Variants in PTPRN2 observed in about 807,000 individuals in gnomAD.
PTPRN2 encodes the protein protein tyrosine phosphatase receptor type N2, also known as receptor-type tyrosine-protein phosphatase N2.
Under a neutral mutation model 118.8 loss-of-function variants are expected in PTPRN2, and 74 were observed. The ratio of observed to expected loss-of-function variants is 0.62; its 90% CI spans 0.52 to 0.76. The LOEUF is 0.76. PTPRN2 is among the 30% of genes least tolerant of loss of function. PTPRN2 has a pLI of 0.00. For missense variants in PTPRN2, 1,481 were observed against 1,394.4 expected (o/e 1.06, Z -0.99); for synonymous variants, 641 against 608.0 (o/e 1.05, Z -0.80).
At chr7:158,584,954 G>T (rs192632712) in intron 1 of PTPRN2, among the ~76,000 whole-genome samples, 11 of 152,334 alleles carry the variant, frequency 7.2e-5, no homozygotes, top group Admixed American at 6.5e-4. Flanking sequence ...CAAAAACTTG[G>T]ATCTCCTTGA....
chr7:157,904,882 AT>A (rs546386790), intron 11 of PTPRN2, among the ~76,000 whole-genome samples: 9 of 151,768 alleles, frequency 5.9e-5, no homozygotes, highest in African/African-American at 1.7e-4. Context: ...GTTGCTTCAG[AT>A]TTTTTTTTAA....
At chr7:157,594,073 C>A (rs1375690888) in intron 17 of PTPRN2, among the ~76,000 whole-genome samples, 1 of 152,204 alleles carries the variant, frequency 6.6e-6, no homozygotes. Context: ...TGTGCCTTGC[C>A]CATAAAATGG....
At chr7:157,862,066 G>A (rs962148031) in intron 12 of PTPRN2, among the ~76,000 whole-genome samples, 1 of 143,008 alleles carries the variant, frequency 7.0e-6, no homozygotes, top group Admixed American at 7.0e-5. Context: ...CTGCTGCTTC[G>A]AGGACTCTGT....
At chr7:158,112,043 G>A (rs1045151645) in intron 9 of PTPRN2, among the ~76,000 whole-genome samples, 1 of 151,988 alleles carries the variant, frequency 6.6e-6, no homozygotes, top group African/African-American at 2.4e-5. Context: ...GTAGCAGCAG[G>A]GGCGAGGCTG....
chr7:157,723,015 G>C (rs1289459995), intron 12 of PTPRN2, among the ~76,000 whole-genome samples: 1 of 152,166 alleles, frequency 6.6e-6, no homozygotes, highest in South Asian at 2.1e-4. Context: ...ACCATTTCCC[G>C]GAAACCCAGA....
Position 158,166,942 on chromosome 7 carries a change from C to T in PTPRN2, c.899G>A (p.Ser300Asn). ...CGGGGCTGGCTCACCATCGCCTGTG[C>T]TGGAGGGGTCTTCGGAATCTCCCAG... Reference protein sequence around the residue: ...SPLGDSEDPSSTGDGARIHTL... With the variant: ...SPLGDSEDPSNTGDGARIHTL... Residue 300 changes from serine (S) to asparagine (N), a missense_variant, in exon 6 of 23, where the codon AGC (serine) becomes AAC (asparagine). Transcript: ENST00000389418. The T allele has an allele frequency of 6.9e-7, 1 of 1,443,362 alleles. No homozygotes were observed. The highest frequency in any genetic ancestry group is 1.5e-5 in the South Asian group (1 of 66,240). The allele number at this position is 1,443,362 out of a possible 1,614,324, so 89.4% of individuals were successfully genotyped here. A position where few individuals can be genotyped will look rare whatever the true frequency, so the allele number is the denominator to read the frequency against.
intron 11 of PTPRN2, among the ~76,000 whole-genome samples, chr7:157,949,744 T>C (rs895613946): frequency 1.3e-5 from 2 of 152,254 alleles, no homozygotes; most frequent in Non-Finnish European, 2.9e-5. Context: ...TCCTGCTCTA[T>C]AGCTCCACAA....
chr7:157,573,217 G>A lies in PTPRN2; in HGVS notation c.2784-1724C>T, dbSNP rs576838129. The stretch of plus-strand genomic sequence containing the variant: ...CATGTGTGTGTGCATGAGACTGCAC[G>A]CATGTGTGTGACGTGAGCACGTATG... On this transcript the variant is annotated intron_variant, in intron 19 of 22. Coordinates refer to ENST00000389418, the MANE Select transcript of PTPRN2 (RefSeq NM_002847.5). Among the ~76,000 whole-genome samples the A allele has an allele frequency of 4.3e-4, 65 of 152,374 alleles. 3 individuals carry two copies. The South Asian group carries it at 4.8e-3, about 11-fold the overall frequency.
chr7:157,929,795 T>C lies in PTPRN2; in HGVS notation c.1724-31058A>G, dbSNP rs1042405351. On this transcript the variant is annotated intron_variant, in intron 11 of 22. Coordinates refer to ENST00000389418, the MANE Select transcript of PTPRN2 (RefSeq NM_002847.5). The surrounding 1 kb of genome is among the most constrained non-coding windows in gnomAD (Gnocchi z 4.4). Reference sequence around the variant, plus strand: ...GGGAGTCTTTCCAAGTGCCCTGTAATGCAGAACCTTTCCCAGTGCCCACTG... The same window carrying C: ...GGGAGTCTTTCCAAGTGCCCTGTAACGCAGAACCTTTCCCAGTGCCCACTG... Among the ~76,000 whole-genome samples, 3 of 152,148 alleles carry C rather than the reference T, an allele frequency of 2.0e-5. No homozygotes were observed. Among genetic ancestry groups the C allele is most frequent in the African/African-American group, 7.2e-5 (3 of 41,432 alleles).
intron 2 of PTPRN2, among the ~76,000 whole-genome samples, chr7:158,345,543 ACCT>A (rs60668048): frequency 0.014 from 2,197 of 152,054 alleles, 66 homozygotes; most frequent in African/African-American, 0.049. Flanking sequence ...CCGTGGAAAA[ACCT>A]CCTGAAGCTA....
intron 12 of PTPRN2, among the ~76,000 whole-genome samples, chr7:157,774,935 T>C (rs112038661): frequency 7.2e-4 from 109 of 152,320 alleles, no homozygotes; most frequent in African/African-American, 2.5e-3. Context: ...TCTCTTCTTC[T>C]GCTACTTACA....
At chr7:157,797,209 T>G (rs762626900) in intron 12 of PTPRN2, among the ~76,000 whole-genome samples, 1 of 152,058 alleles carries the variant, frequency 6.6e-6, no homozygotes, top group Non-Finnish European at 1.5e-5. Context: ...CCGTGAAACC[T>G]CCAACGTGAA....
intron 3 of PTPRN2, among the ~76,000 whole-genome samples, chr7:158,288,961 C>T (rs1799936483): frequency 6.6e-6 from 1 of 152,106 alleles, no homozygotes; most frequent in African/African-American, 2.4e-5. Flanking sequence ...TCTTGGTTGG[C>T]CATTTTTTTC....
In PTPRN2 at chr7:157,990,740, G is replaced by A. The variant is rs780152203; in HGVS notation, c.1723+90558C>T. Among the ~76,000 whole-genome samples, 2 of 152,172 alleles carry A rather than the reference G, an allele frequency of 1.3e-5. No individual in the cohort carries two copies. The highest frequency in any genetic ancestry group is 1.9e-4 in the East Asian group (1 of 5,174). On this transcript the variant is annotated intron_variant, in intron 11 of 22. Coordinates refer to ENST00000389418, the MANE Select transcript of PTPRN2 (RefSeq NM_002847.5). This position sits in a 1 kb window ranked among gnomAD's most constrained non-coding sequence, Gnocchi z 4.3. ...TGGGGCTGCCTGGGGCACAAAGCAC[G>A]TGGACTAGGACACTGGAATGTCACC... is the stretch of plus-strand genomic sequence containing the variant.
intron 16 of PTPRN2, among the ~76,000 whole-genome samples, chr7:157,600,541 T>C (rs1345554982): frequency 1.3e-5 from 2 of 152,156 alleles, no homozygotes; most frequent in African/African-American, 2.4e-5. Flanking sequence ...CTGCCTCAGC[T>C]GGGATTACAG....
Position 158,166,963 on chromosome 7 carries a change from C to T in PTPRN2, c.878G>A (p.Gly293Glu), listed in dbSNP as rs373937506. Residue 293 changes from glycine (G) to glutamate (E), a missense_variant, in exon 6 of 23, where the codon GGA (glycine) becomes GAA (glutamate). Around this residue, in one of 3 missense-constraint regions of PTPRN2, gnomAD observed 1,115 missense variants for 994.2 expected, o/e 1.12. Transcript: ENST00000389418. ...TGTGCTGGAGGGGTCTTCGGAATCTCCCAGAGGTGAAGGCCACTTCTGGGG... is the reference window on the plus strand; with the variant it reads ...TGTGCTGGAGGGGTCTTCGGAATCTTCCAGAGGTGAAGGCCACTTCTGGGG... ...AAPQKWPSPL[G>E]DSEDPSSTGD... The T allele has an allele frequency of 3.0e-5, 43 of 1,451,888 alleles. No individual in the cohort carries two copies. Among genetic ancestry groups the T allele is most frequent in the Non-Finnish European group, 3.6e-5 (39 of 1,098,324 alleles). The allele number at this position is 1,451,888 out of a possible 1,614,324, so 89.9% of individuals were successfully genotyped here.
intron 5 of PTPRN2, among the ~76,000 whole-genome samples, chr7:158,180,575 T>C (rs1824615455): frequency 6.6e-6 from 1 of 152,238 alleles, no homozygotes; most frequent in East Asian, 1.9e-4. Flanking sequence ...TCCATAAGCA[T>C]GGGATGTGTT....
At chr7:158,403,710 A>G (rs1047675841) in intron 2 of PTPRN2, among the ~76,000 whole-genome samples, 5 of 152,182 alleles carry the variant, frequency 3.3e-5, no homozygotes, top group Non-Finnish European at 5.9e-5. Context: ...TCGCACACCA[A>G]GACCCACTCG....
At chr7:157,650,105 C>A (rs185487329) in intron 14 of PTPRN2, among the ~76,000 whole-genome samples, 1 of 152,218 alleles carries the variant, frequency 6.6e-6, no homozygotes, top group Non-Finnish European at 1.5e-5. Context: ...GAGCCGGCTA[C>A]TATGGCACCT....
Sources: allele counts gnomAD v4.1 joint callset (sites outside exome capture counted in the v4.1 genomes callset), GRCh38; gene constraint gnomAD v4.1.1; regional missense constraint gnomAD v4.1.1; non-coding constraint Gnocchi (gnomAD v3.1); transcripts MANE v1.5; gene names NCBI Gene and HGNC (gene_info 2026-07-23, HGNC 2026-07-21).